Variants in ATP10D observed in about 807,000 individuals in gnomAD.
ATP10D encodes phospholipid-transporting ATPase VD.
Under a neutral mutation model 144.8 loss-of-function variants are expected in ATP10D, and 89 were observed. That is an observed-to-expected ratio of 0.61 (90% CI 0.52 to 0.73). The LOEUF (loss-of-function observed/expected upper bound fraction) is 0.73, where lower values mean the gene tolerates loss of function less well. Ranked by LOEUF, ATP10D falls within the 30% of genes least tolerant of loss-of-function variation. The probability of loss-of-function intolerance (pLI) is 0.00; values close to 1 mark genes in which losing one functional copy is unlikely to be tolerated. For synonymous variants in ATP10D, 571 were observed against 615.1 expected, an observed-to-expected ratio of 0.93 and a Z score of 1.06; for missense variants, 1,603 against 1,714.8, an observed-to-expected ratio of 0.93 and a Z score of 1.15.
At chr4:47,504,980 G>T (rs1560412639) in intron 1 of ATP10D, among the ~76,000 whole-genome samples, 1 of 152,174 alleles carries the variant, frequency 6.6e-6, no homozygotes, top group Admixed American at 6.5e-5. Flanking sequence ...TTGAGAAGAA[G>T]GTTATAAGTC....
chr4:47,558,842 A>C (rs79884646), intron 12 of ATP10D, 81 bp from the exon 13 acceptor site: 216,182 of 1,167,880 alleles, frequency 0.19, 22,646 homozygotes, highest in South Asian at 0.22. Flanking sequence ...TTTAGTGTGG[A>C]TAAAACTACT....
chr4:47,500,676 C>T (rs1286505949), intron 1 of ATP10D, among the ~76,000 whole-genome samples: 3 of 152,158 alleles, frequency 2.0e-5, no homozygotes, highest in South Asian at 2.1e-4. Flanking sequence ...CCTCCATTTG[C>T]ACTTGTTACT....
chr4:47,535,987 C>G lies in ATP10D; in HGVS notation c.969C>G (p.Leu323=). 1 of 1,613,054 alleles carries G rather than the reference C, an allele frequency of 6.2e-7. No homozygotes were observed. The highest frequency in any genetic ancestry group is 8.5e-7 in the Non-Finnish European group (1 of 1,179,262). Residue 323 remains leucine, a synonymous_variant, in exon 7 of 23, where the codon CTC becomes CTG. Transcript: ENST00000273859. The part of the protein sequence containing the change: ...KLERRANTDV[L]WCVMLLVIMC... ...AAAGAAGAGCAAACACAGATGTCCT[C>G]TGGTGTGTCATGCTTCTGGTCATAA...
chr4:47,542,052 C>A (rs551843643), intron 9 of ATP10D, among the ~76,000 whole-genome samples: 2 of 146,608 alleles, frequency 1.4e-5, no homozygotes, highest in Non-Finnish European at 3.0e-5. Context: ...AAAGTCATAA[C>A]GATTTGGATA....
chr4:47,578,819 T>C (rs1720364813), intron 19 of ATP10D, among the ~76,000 whole-genome samples: 1 of 152,162 alleles, frequency 6.6e-6, no homozygotes, highest in South Asian at 2.1e-4. Flanking sequence ...TGAATCTTCA[T>C]TGTTTTGATT....
At chr4:47,550,336 C>T (rs538175458) in intron 10 of ATP10D, among the ~76,000 whole-genome samples, 3 of 151,920 alleles carry the variant, frequency 2.0e-5, no homozygotes, top group Non-Finnish European at 2.9e-5. Flanking sequence ...ATATGAAAGC[C>T]GTTCAAAAGA....
intron 17 of ATP10D, among the ~76,000 whole-genome samples, chr4:47,572,644 CGTGTGTGT>C (rs72171059): frequency 2.1e-3 from 308 of 145,234 alleles, no homozygotes; most frequent in East Asian, 0.019. Flanking sequence ...TTTGTGCGCA[CGTGTGTGT>C]GTGTGTGTGT....
chr4:47,528,052 A>C (rs1478933496), intron 5 of ATP10D, among the ~76,000 whole-genome samples: 2 of 152,186 alleles, frequency 1.3e-5, no homozygotes, highest in Admixed American at 6.5e-5. Flanking sequence ...TAGGAAAAGT[A>C]ACAGTGCGAT....
rs199950421 is a variant in ATP10D at position 47,512,635 on chromosome 4, C to G, written c.95C>G (p.Ser32Trp). ...DDDSGPYNYS[S>W]LLACGRKSSQ... ...GATTCAGGGCCATACAACTATTCCT[C>G]GTTGCTCGCCTGTGGGCGCAAGTCC... The change falls in exon 2 of 23, where the codon TCG (serine) becomes TGG (tryptophan). Residue 32 changes from serine to tryptophan, a missense_variant. Transcript: ENST00000273859. 3.9e-5 allele frequency: 63 copies of G among 1,614,160 alleles called. 1 individual carries two copies. The Admixed American group carries it at 7.7e-4, about 20-fold the overall frequency.
chr4:47,493,954 A>C (rs988755049), intron 1 of ATP10D, among the ~76,000 whole-genome samples: 3 of 152,156 alleles, frequency 2.0e-5, no homozygotes, highest in Non-Finnish European at 2.9e-5. Flanking sequence ...TATCTGACTT[A>C]AAAGGTCTCT....
chr4:47,519,023 A>G (rs1273038599), intron 3 of ATP10D, among the ~76,000 whole-genome samples: 2 of 152,234 alleles, frequency 1.3e-5, no homozygotes, highest in African/African-American at 4.8e-5. Flanking sequence ...ATAAGTTGAT[A>G]TATGTAAAGC....
At chr4:47,562,752 A>G (rs139852933) in intron 14 of ATP10D, among the ~76,000 whole-genome samples, 1,792 of 152,250 alleles carry the variant, frequency 0.012, 40 homozygotes, top group African/African-American at 0.042. Flanking sequence ...TAGGCTTATC[A>G]CAGCACTGTT....
chr4:47,565,477 T>G (rs1305167173), intron 15 of ATP10D, among the ~76,000 whole-genome samples: 1 of 152,160 alleles, frequency 6.6e-6, no homozygotes, highest in African/African-American at 2.4e-5. Flanking sequence ...CTGGTAAGAC[T>G]AGGGATCAAA....
At chr4:47,489,353 G>A (rs1348100184) in intron 1 of ATP10D, among the ~76,000 whole-genome samples, 2 of 151,788 alleles carry the variant, frequency 1.3e-5, no homozygotes, top group Non-Finnish European at 2.9e-5. Flanking sequence ...TATGAGAAGT[G>A]GATAAAAGCA....
chr4:47,591,300 G>A lies in ATP10D; in HGVS notation c.4200G>A (p.Leu1400=). The change falls in exon 23 of 23, where the codon CTG becomes CTA. Residue 1400 remains leucine (L), a synonymous_variant. Coordinates refer to ENST00000273859, the MANE Select transcript of ATP10D (RefSeq NM_020453.4). Reference sequence around the variant, plus strand: ...CTATTGAGCAAGGAAACTTATCTCTGTGTGAAACTGCTTTAGATCAAGGCT... The same window carrying A: ...CTATTGAGCAAGGAAACTTATCTCTATGTGAAACTGCTTTAGATCAAGGCT... The part of the protein sequence containing the change: ...SCAIEQGNLS[L]CETALDQGYS... 1.2e-6 allele frequency: 2 copies of A among 1,613,456 alleles called. No individual in the cohort carries two copies. The highest frequency in any genetic ancestry group is 1.7e-6 in the Non-Finnish European group (2 of 1,179,506).
At chr4:47,520,599 C>T (rs1716896276) in intron 3 of ATP10D, among the ~76,000 whole-genome samples, 1 of 152,024 alleles carries the variant, frequency 6.6e-6, no homozygotes, top group African/African-American at 2.4e-5. Context: ...GAGTCTTGCT[C>T]TGTCTCAAAA....
chr4:47,516,086 C>T (rs1295377381), intron 3 of ATP10D, among the ~76,000 whole-genome samples: 4 of 151,944 alleles, frequency 2.6e-5, no homozygotes, highest in Non-Finnish European at 2.9e-5. Flanking sequence ...AAAAATTAGC[C>T]GGACGTGGTG....
In ATP10D at chr4:47,536,823, G is replaced by C; in HGVS notation, c.1281G>C (p.Glu427Asp). The change falls in exon 9 of 23, where the codon GAG (glutamate) becomes GAC (aspartate). Residue 427 changes from glutamate to aspartate, a missense_variant. Coordinates refer to ENST00000273859, the MANE Select transcript of ATP10D (RefSeq NM_020453.4). ...AGTGCCGAGCCCTGAACATCGCCGAGGATCTGGGACAGATTCAGTACCTCT... is the reference window on the plus strand; with the variant it reads ...AGTGCCGAGCCCTGAACATCGCCGACGATCTGGGACAGATTCAGTACCTCT... ...IVQCRALNIA[E>D]DLGQIQYLFS... 1 of 1,613,218 alleles carries C rather than the reference G, an allele frequency of 6.2e-7. No individual in the cohort carries two copies. Among genetic ancestry groups the C allele is most frequent in the Non-Finnish European group, 8.5e-7 (1 of 1,179,660 alleles).
chr4:47,505,079 G>T (rs1188832598), intron 1 of ATP10D, among the ~76,000 whole-genome samples: 1 of 152,194 alleles, frequency 6.6e-6, no homozygotes, highest in East Asian at 1.9e-4. Context: ...TCTGCAGAAA[G>T]AATTAATCCT....
Sources: allele counts gnomAD v4.1 joint callset (sites outside exome capture counted in the v4.1 genomes callset), GRCh38; gene constraint gnomAD v4.1.1; transcripts MANE v1.5; gene names NCBI Gene and HGNC (gene_info 2026-07-23, HGNC 2026-07-21).